DTNA: variants seen among roughly 807,000 people sequenced by gnomAD.
DTNA encodes dystrobrevin alpha.
A neutral mutation model predicts 100.7 loss-of-function variants in DTNA; 43 were observed. That is an observed-to-expected ratio of 0.43 (90% CI 0.33 to 0.55). The LOEUF (loss-of-function observed/expected upper bound fraction) is 0.55, where lower values mean the gene tolerates loss of function less well. DTNA is among the 20% of genes least tolerant of loss of function. The pLI, the probability that DTNA is intolerant of heterozygous loss-of-function variation, is 0.04. For missense variants in DTNA, 798 were observed against 953.9 expected, an observed-to-expected ratio of 0.84 and a Z score of 2.15; for synonymous variants, 349 against 347.9, an observed-to-expected ratio of 1.00 and a Z score of -0.04.
At chr18:34,739,876 A>G (rs1197708773) in intron 1 of DTNA, among the ~76,000 whole-genome samples, 1 of 152,142 alleles carries the variant, frequency 6.6e-6, no homozygotes, top group African/African-American at 2.4e-5. Context: ...TAATGGTGAG[A>G]AACTTCTTGG....
intron 3 of DTNA, among the ~76,000 whole-genome samples, chr18:34,772,011 T>A (rs2093799791): frequency 6.6e-6 from 1 of 151,834 alleles, no homozygotes; most frequent in Non-Finnish European, 1.5e-5. Context: ...CCTAAAATCA[T>A]GAACAACAAA....
intron 14 of DTNA, among the ~76,000 whole-genome samples, chr18:34,850,948 G>T (rs1367700219): frequency 1.3e-5 from 2 of 152,130 alleles, no homozygotes; most frequent in Non-Finnish European, 2.9e-5. Flanking sequence ...AGCTGGAGTG[G>T]TGAGAAAGTA....
chr18:34,711,777 G>T (rs1315177875), intron 1 of DTNA, among the ~76,000 whole-genome samples: 1 of 151,948 alleles, frequency 6.6e-6, no homozygotes, highest in East Asian at 1.9e-4. Context: ...CTAAGTTTAA[G>T]CAAGGAATTA....
intron 1 of DTNA, among the ~76,000 whole-genome samples, chr18:34,498,876 C>T (rs1365462336): frequency 1.3e-5 from 2 of 152,150 alleles, no homozygotes; most frequent in African/African-American, 4.8e-5. Context: ...ACATAATCTG[C>T]ATAATTAGAA....
At chr18:34,799,023 A>G (rs1602232042) in intron 4 of DTNA, among the ~76,000 whole-genome samples, 1 of 152,220 alleles carries the variant, frequency 6.6e-6, no homozygotes, top group Non-Finnish European at 1.5e-5. Context: ...TTTGCTTATT[A>G]CAGGATATTA....
Position 34,753,235 on chromosome 18 carries a change from A to G in DTNA, c.-1-2741A>G, listed in dbSNP as rs576779685. 3.9e-5 allele frequency among the ~76,000 whole-genome samples: 6 copies of G among 152,354 alleles called. No individual in the cohort carries two copies. The South Asian group carries it at 1.2e-3, about 32-fold the overall frequency. ...TAAATAGGAGTAGAGTTGTCACAAC[A>G]CCGCAAAACAAGTAGTACAAGCAGC... On this transcript the variant is annotated intron_variant, in intron 1 of 22. Transcript: ENST00000444659.
chr18:34,858,502 G>C lies in DTNA; in HGVS notation c.1646+104G>C, dbSNP rs2096579004. On this transcript the variant is annotated intron_variant, in intron 16 of 22. Coordinates refer to ENST00000444659, the MANE Select transcript of DTNA (RefSeq NM_001386795.1). ...AAAACAGTCCTCAGCTACCTTAGCT[G>C]CTGACATTTGTTTTTTTCATAGCAC... 5 of 1,143,672 alleles carry C rather than the reference G, an allele frequency of 4.4e-6. No homozygotes were observed. The South Asian group carries it at 6.4e-5, about 15-fold the overall frequency. The allele number at this position is 1,143,672 out of a possible 1,614,324, so 70.8% of individuals were successfully genotyped here. A position where few individuals can be genotyped will look rare whatever the true frequency, so the allele number is the denominator to read the frequency against.
At chr18:34,885,209 G>A (rs558880888) in intron 22 of DTNA, among the ~76,000 whole-genome samples, 4 of 152,326 alleles carry the variant, frequency 2.6e-5, no homozygotes, top group Admixed American at 6.5e-5. Context: ...GAGATCAAAT[G>A]TGTGTGCCTT....
At chr18:34,640,464 C>T (rs568705939) in intron 1 of DTNA, among the ~76,000 whole-genome samples, 25 of 152,342 alleles carry the variant, frequency 1.6e-4, no homozygotes, top group African/African-American at 5.5e-4. Context: ...CTTATAGGAA[C>T]TGCATTGTCA....
Position 34,747,104 on chromosome 18 carries a change from C to CTATCTATATATA in DTNA, c.-1-8869_-1-8868insCTATATATATAT, listed in dbSNP as rs1041438583. ...CCCATATCTATATCTATATCTGTAT[C>CTATCTATATATA]TATATATATATATATATGTTTATGT... On this transcript the variant is annotated intron_variant, in intron 1 of 22. Transcript: ENST00000444659. 2.2e-3 allele frequency among the ~76,000 whole-genome samples: 327 copies of CTATCTATATATA among 148,312 alleles called. 1 individual carries two copies. The highest frequency in any genetic ancestry group is 7.9e-3 in the African/African-American group (315 of 39,852).
At chr18:34,658,546 G>A (rs1054582278) in intron 1 of DTNA, among the ~76,000 whole-genome samples, 1 of 152,054 alleles carries the variant, frequency 6.6e-6, no homozygotes, top group Non-Finnish European at 1.5e-5. Context: ...TAGAGATGGG[G>A]TTTTGTCATG....
intron 5 of DTNA, among the ~76,000 whole-genome samples, chr18:34,807,050 A>G (rs1028485259): frequency 1.3e-5 from 2 of 152,176 alleles, no homozygotes; most frequent in African/African-American, 2.4e-5. Flanking sequence ...AGCATACATC[A>G]GAATCACCTT....
intron 1 of DTNA, among the ~76,000 whole-genome samples, chr18:34,745,822 T>C (rs1439525646): frequency 6.6e-6 from 1 of 152,188 alleles, no homozygotes; most frequent in African/African-American, 2.4e-5. Flanking sequence ...ATGCAAGAAC[T>C]GTAATGCCTT....
chr18:34,592,723 ACGGAT>A (rs2049881013), intron 1 of DTNA, among the ~76,000 whole-genome samples: 1 of 152,028 alleles, frequency 6.6e-6, no homozygotes, highest in Admixed American at 6.6e-5. Context: ...TCCTCTTCTA[ACGGAT>A]CCCAACTCAT....
chr18:34,820,879 A>T lies in DTNA; in HGVS notation c.965A>T (p.Asp322Val), dbSNP rs1186988281. The T allele has an allele frequency of 6.2e-7, 1 of 1,614,044 alleles. No individual in the cohort carries two copies. Among genetic ancestry groups the T allele is most frequent in the Admixed American group, 1.7e-5 (1 of 59,994 alleles). The change falls in exon 9 of 23, where the codon GAT becomes GTT. Residue 322 changes from aspartate to valine, a missense_variant. Transcript: ENST00000444659. The part of the protein sequence containing the change: ...SREPLHPMFP[D>V]QPEKPLNLAH... Reference sequence around the variant, plus strand: ...GAACCTTTGCACCCCATGTTCCCAGATCAGCCTGAGAAGCCACTCAACTTG... The same window carrying T: ...GAACCTTTGCACCCCATGTTCCCAGTTCAGCCTGAGAAGCCACTCAACTTG...
At chr18:34,756,935 G>A (rs2092818202) in intron 2 of DTNA, among the ~76,000 whole-genome samples, 1 of 152,106 alleles carries the variant, frequency 6.6e-6, no homozygotes, top group African/African-American at 2.4e-5. Context: ...TCCCTAAGAA[G>A]GCAGTAGACA....
At chr18:34,550,881 CT>C (rs2045336098) in intron 1 of DTNA, among the ~76,000 whole-genome samples, 1 of 152,116 alleles carries the variant, frequency 6.6e-6, no homozygotes, top group East Asian at 1.9e-4. Flanking sequence ...TTTGTCCTCA[CT>C]TTTTCTGATC....
chr18:34,615,409 T>C (rs919497582), intron 1 of DTNA, among the ~76,000 whole-genome samples: 2 of 152,134 alleles, frequency 1.3e-5, no homozygotes, highest in African/African-American at 4.8e-5. Flanking sequence ...TATCATCTTA[T>C]TTTTTAAAAT....
chr18:34,556,200 T>G (rs547346673), intron 1 of DTNA, among the ~76,000 whole-genome samples: 7 of 151,486 alleles, frequency 4.6e-5, no homozygotes, highest in South Asian at 4.2e-4. Flanking sequence ...AACCCCTGCC[T>G]TTTTTTGTTT....
Sources: gnomAD v4.1 joint callset for allele counts (sites outside exome capture counted in the v4.1 genomes callset) on GRCh38, gnomAD v4.1.1 for gene constraint, MANE v1.5 for transcripts, NCBI Gene and HGNC (gene_info 2026-07-23, HGNC 2026-07-21) for gene names.